TRMT10B: variants seen among roughly 807,000 people sequenced by gnomAD.
TRMT10B encodes tRNA methyltransferase 10 homolog B.
A neutral mutation model predicts 43.8 loss-of-function variants in TRMT10B; 33 were observed. That is an observed-to-expected ratio of 0.75 (90% CI 0.57 to 1.01). The LOEUF (loss-of-function observed/expected upper bound fraction) is 1.01. TRMT10B is among the 50% of genes least tolerant of loss of function. The pLI is 0.00. For synonymous variants in TRMT10B, 137 were observed against 130.6 expected (o/e 1.05, Z -0.34); for missense variants, 362 against 369.8 (o/e 0.98, Z 0.17).
chr9:37,766,648 G>T (rs1045994717), intron 4 of TRMT10B, among the ~76,000 whole-genome samples: 1 of 152,212 alleles, frequency 6.6e-6, no homozygotes, highest in Admixed American at 6.5e-5. Flanking sequence ...GGATGGCATT[G>T]AATCTATAAA....
chr9:37,755,051 G>A (rs886120296), intron 1 of TRMT10B, among the ~76,000 whole-genome samples: 6 of 151,956 alleles, frequency 3.9e-5, no homozygotes, highest in African/African-American at 1.2e-4. Context: ...CAGGTGGGTC[G>A]CGAGGTCAGG....
At chr9:37,758,238 C>T (rs754043429) in intron 1 of TRMT10B, among the ~76,000 whole-genome samples, 1 of 152,050 alleles carries the variant, frequency 6.6e-6, no homozygotes, top group Non-Finnish European at 1.5e-5. Context: ...ATGGTGAAAC[C>T]CTACCTCTAC....
rs200211490 is a variant in TRMT10B at position 37,763,724 on chromosome 9, T to C, written c.391T>C (p.Leu131=). 2.5e-6 allele frequency: 4 copies of C among 1,614,094 alleles called. No individual in the cohort carries two copies. Among genetic ancestry groups the C allele is most frequent in the Admixed American group, 3.3e-5 (2 of 60,012 alleles). ...KHSGPRLCID[L]SMTHYMSKKE... The stretch of plus-strand genomic sequence containing the variant: ...CTCAGGACCAAGACTATGTATCGAT[T>C]TGAGTATGACCCACTACATGTCAAA... Residue 131 remains leucine (L), a synonymous_variant, in exon 4 of 9, where the codon TTG becomes CTG. Transcript: ENST00000297994.
chr9:37,761,154 C>T (rs1826284273), intron 1 of TRMT10B, among the ~76,000 whole-genome samples: 1 of 152,140 alleles, frequency 6.6e-6, no homozygotes, highest in Non-Finnish European at 1.5e-5. Flanking sequence ...GGTACATTCT[C>T]CCAAGATGTC....
At chr9:37,758,640 A>C (rs1165887047) in intron 1 of TRMT10B, among the ~76,000 whole-genome samples, 1 of 151,916 alleles carries the variant, frequency 6.6e-6, no homozygotes, top group Non-Finnish European at 1.5e-5. Flanking sequence ...AACAAGAAGT[A>C]GAAGTTTTAA....
intron 2 of TRMT10B, 48 bp from the exon 3 acceptor site, chr9:37,762,529 T>C: frequency 6.5e-7 from 1 of 1,528,758 alleles, no homozygotes; most frequent in Non-Finnish European, 8.8e-7. Flanking sequence ...TTTCCTTTTT[T>C]GGTGCTTATG....
chr9:37,776,158 G>A, intron 7 of TRMT10B, 124 bp from the exon 8 acceptor site: 3 of 842,994 alleles, frequency 3.6e-6, no homozygotes, highest in Non-Finnish European at 5.0e-6. Flanking sequence ...TCTTGAGACA[G>A]TTAACTCATT....
rs892374206 is a variant in TRMT10B, at chr9:37,770,682, T to C, written c.663T>C (p.Asp221=). The C allele has an allele frequency of 6.2e-7, 1 of 1,613,840 alleles. No individual in the cohort carries two copies. The highest frequency in any genetic ancestry group is 1.3e-5 in the African/African-American group (1 of 74,948). ...LTPDSEHALE[D]VDLNKVYILG... Reference sequence around the variant, plus strand: ...TCATTTTTTCATTAGCTCTTGAAGATGTTGATCTAAACAAAGTTTACATCC... The same window carrying C: ...TCATTTTTTCATTAGCTCTTGAAGACGTTGATCTAAACAAAGTTTACATCC... Residue 221 remains aspartate, a synonymous_variant, in exon 7 of 9, where the codon GAT becomes GAC. Coordinates refer to ENST00000297994, the MANE Select transcript of TRMT10B (RefSeq NM_144964.4).
At chr9:37,763,982 T>C (rs1826703803) in intron 4 of TRMT10B, 3 of 619,508 alleles carry the variant, frequency 4.8e-6, no homozygotes, top group African/African-American at 1.9e-5. Context: ...TTGTCTTCTG[T>C]TTTAAGCCCA....
intron 1 of TRMT10B, among the ~76,000 whole-genome samples, chr9:37,754,497 A>G (rs75345224): frequency 0.015 from 2,212 of 152,288 alleles, 26 homozygotes; most frequent in Middle Eastern, 0.037. Flanking sequence ...AGTGAAATGG[A>G]GAGTACTGCA....
At chr9:37,769,133 C>T (rs1369248178) in intron 5 of TRMT10B, among the ~76,000 whole-genome samples, 1 of 151,600 alleles carries the variant, frequency 6.6e-6, no homozygotes, top group South Asian at 2.1e-4. Context: ...TATGGTGAAA[C>T]CCCGTCCCTA....
chr9:37,770,796 G>A, intron 7 of TRMT10B, 57 bp downstream of exon 7: 1 of 1,571,750 alleles, frequency 6.4e-7, no homozygotes, highest in Non-Finnish European at 8.7e-7. Context: ...TACTTTTAGA[G>A]GCATGTGCCC....
intron 3 of TRMT10B, among the ~76,000 whole-genome samples, chr9:37,763,274 C>A (rs1826616892): frequency 6.6e-6 from 1 of 151,518 alleles, no homozygotes; most frequent in African/African-American, 2.4e-5. Flanking sequence ...ATTCAGTATT[C>A]TGTGTTAGGT....
intron 7 of TRMT10B, among the ~76,000 whole-genome samples, chr9:37,771,876 GTTT>G (rs74171525): frequency 1.3e-5 from 2 of 149,016 alleles, no homozygotes; most frequent in Non-Finnish European, 3.0e-5. Flanking sequence ...GACAGAAAAT[GTTT>G]TTTTTTTTTC....
chr9:37,776,825 G>A (rs1828204852), intron 8 of TRMT10B, among the ~76,000 whole-genome samples: 1 of 149,640 alleles, frequency 6.7e-6, no homozygotes, highest in Admixed American at 6.6e-5. Flanking sequence ...CTTGAACCTG[G>A]GAAGTGGAGG....
At chr9:37,777,553 C>A in intron 8 of TRMT10B, 48 bp from the exon 9 acceptor site, 1 of 1,448,558 alleles carries the variant, frequency 6.9e-7, no homozygotes, top group Non-Finnish European at 9.7e-7. Context: ...TTTACTCGTT[C>A]TTTTTTTCCC....
In TRMT10B at chr9:37,768,178, C is replaced by A; in HGVS notation, c.523C>A (p.Pro175Thr). 1 of 1,614,148 alleles carries A rather than the reference C, an allele frequency of 6.2e-7. No individual in the cohort carries two copies. The highest frequency in any genetic ancestry group is 8.5e-7 in the Non-Finnish European group (1 of 1,180,004). ...CCTCACTGGATTCACAACAGACAGT[C>A]CCCTTTATGAAGAGTGTGTGAGGAT... ...ICLTGFTTDSPLYEECVRMND... is the reference protein window; with the variant it reads ...ICLTGFTTDSTLYEECVRMND... Residue 175 changes from proline to threonine, a missense_variant, in exon 5 of 9, where the codon CCC becomes ACC. By Grantham distance (38) the Pro-to-Thr change is conservative. Transcript: ENST00000297994.
chr9:37,777,623 C>G lies in TRMT10B; in HGVS notation c.867C>G (p.Tyr289Ter), dbSNP rs200754365. The G allele has an allele frequency of 1.9e-6, 3 of 1,613,890 alleles. No individual in the cohort carries two copies. ...CAGTGTTTGATATCCTGTCCACTTA[C>G]TTAGAGACTCACAACTGGCCTGAAG... is the stretch of plus-strand genomic sequence containing the variant. ...INQVFDILSTYLETHNWPEAL... is the reference protein window; with the variant it reads ...INQVFDILST Residue 289 changes from tyrosine (Y) to a stop codon, truncating the protein, a stop_gained, in exon 9 of 9, where the codon TAC (tyrosine) becomes TAG (stop). Transcript: ENST00000297994. LOFTEE classifies it high-confidence loss of function.
intron 7 of TRMT10B, among the ~76,000 whole-genome samples, chr9:37,775,700 AT>A (rs200251527): frequency 6.7e-6 from 1 of 149,916 alleles, no homozygotes; most frequent in Non-Finnish European, 1.5e-5. Context: ...CACCCTGTTA[AT>A]TTTTTTTTTG....
Sources: gnomAD v4.1 joint callset for allele counts (sites outside exome capture counted in the v4.1 genomes callset) on GRCh38, gnomAD v4.1.1 for gene constraint, MANE v1.5 for transcripts, NCBI Gene and HGNC (gene_info 2026-07-23, HGNC 2026-07-21) for gene names.